Variants in B4GALNT3 observed in about 807,000 individuals in gnomAD.
The protein encoded by B4GALNT3 is beta-1,4-N-acetyl-galactosaminyltransferase 3.
In B4GALNT3, 86 loss-of-function variants were observed where a neutral mutation model predicts 120.2. That is an observed-to-expected ratio of 0.72 (90% confidence interval 0.60 to 0.86). The LOEUF is 0.86. B4GALNT3 is among the 40% of genes least tolerant of loss of function. The pLI is 0.00. For synonymous variants in B4GALNT3, 518 were observed against 510.4 expected, an observed-to-expected ratio of 1.01 and a Z score of -0.20; for missense variants, 1,167 against 1,298.9, an observed-to-expected ratio of 0.90 and a Z score of 1.56.
chr12:548,486 A>G lies in B4GALNT3; in HGVS notation c.853+189A>G, dbSNP rs1695286540. The stretch of plus-strand genomic sequence containing the variant: ...AGTCCTTAACTCCCCAGGGTCAGTG[A>G]CCCCTTTGAGAACCTGCTAGAAGCT... On this transcript the variant is annotated intron_variant, in intron 9 of 19. Transcript: ENST00000266383. The surrounding 1 kb of genome is among the most constrained non-coding windows in gnomAD (Gnocchi z 4.9). 6.6e-6 allele frequency among the ~76,000 whole-genome samples: 1 copy of G among 152,056 alleles called. No homozygotes were observed. The highest frequency in any genetic ancestry group is 1.5e-5 in the Non-Finnish European group (1 of 68,004).
At chr12:534,806 C>T (rs1946841936) in intron 1 of B4GALNT3, among the ~76,000 whole-genome samples, 2 of 152,178 alleles carry the variant, frequency 1.3e-5, no homozygotes, top group Non-Finnish European at 2.9e-5. Context: ...AAGAGTGTAC[C>T]GCCTGTCACG....
intron 1 of B4GALNT3, among the ~76,000 whole-genome samples, chr12:502,558 C>CAG (rs10649988): frequency 0.72 from 108,791 of 151,516 alleles, 39,828 homozygotes; most frequent in African/African-American, 0.86. Context: ...GAGAAACAGG[C>CAG]GGGTGAAAGA....
chr12:510,855 T>A (rs1363196661), intron 1 of B4GALNT3, among the ~76,000 whole-genome samples: 2 of 151,930 alleles, frequency 1.3e-5, no homozygotes, highest in African/African-American at 2.4e-5. Flanking sequence ...CTGGTGCTGG[T>A]ATATCCACAG....
chr12:460,575 G>A lies in B4GALNT3; in HGVS notation c.169+30G>A, dbSNP rs753325506. On this transcript the variant is annotated intron_variant, in intron 1 of 19. Transcript: ENST00000266383. This position sits in a 1 kb window ranked among gnomAD's most constrained non-coding sequence, Gnocchi z 8.0. ...GTAGCACCCAGGGGAGGCGAAGGGC[G>A]CGGGGGTGGGCGGCGGCGGCGGCTC... 3 of 1,353,422 alleles carry A rather than the reference G, an allele frequency of 2.2e-6. No homozygotes were observed. Among genetic ancestry groups the A allele is most frequent in the South Asian group, 1.8e-5 (1 of 55,284 alleles). 83.8% of individuals were successfully genotyped at this position (1,353,422 alleles called of 1,614,324 possible).
At position 561,369 on chromosome 12, in the gene B4GALNT3, A is replaced by C; in HGVS notation, c.2915A>C (p.Glu972Ala). 6.2e-7 allele frequency: 1 copy of C among 1,614,004 alleles called. No homozygotes were observed. Among genetic ancestry groups the C allele is most frequent in the South Asian group, 1.1e-5 (1 of 91,068 alleles). Reference sequence around the variant, plus strand: ...ATACTCCAAGCGGGCCTGGACGTGGAGCGTCTCTCCCTCAGGAATTTCTTC... The same window carrying C: ...ATACTCCAAGCGGGCCTGGACGTGGCGCGTCTCTCCCTCAGGAATTTCTTC... ...DRILQAGLDV[E>A]RLSLRNFFHH... is the part of the protein sequence containing the mutation. Residue 972 changes from glutamate (E) to alanine (A), a missense_variant, in exon 20 of 20, where the codon GAG (glutamate) becomes GCG (alanine). Physicochemically the swap from Glu to Ala is moderately radical, Grantham distance 107 (BLOSUM62 -1). Around this residue, in one of 3 missense-constraint regions of B4GALNT3, gnomAD observed 983 missense variants for 1,102.5 expected, o/e 0.89. Coordinates refer to ENST00000266383, the MANE Select transcript of B4GALNT3 (RefSeq NM_173593.4).
chr12:519,861 C>G (rs1251227125), intron 1 of B4GALNT3, among the ~76,000 whole-genome samples: 2 of 152,228 alleles, frequency 1.3e-5, no homozygotes, highest in Non-Finnish European at 2.9e-5. Context: ...CTCAACAGCG[C>G]TCGCCATAAC....
At chr12:520,568 T>C (rs7315449) in intron 1 of B4GALNT3, among the ~76,000 whole-genome samples, 48,431 of 134,902 alleles carry the variant, frequency 0.36, 10,699 homozygotes, top group East Asian at 0.51. Flanking sequence ...GTAGTTTAAT[T>C]GGCCATCATA....
intron 4 of B4GALNT3, 66 bp from the exon 5 acceptor site, chr12:544,816 A>AGG: frequency 2.6e-6 from 4 of 1,521,338 alleles, no homozygotes; most frequent in Non-Finnish European, 3.6e-6. Flanking sequence ...TCTTCCCGCC[A>AGG]ATCCTGGCGG....
At chr12:513,127 GCCTTCCA>G (rs1244000850) in intron 1 of B4GALNT3, among the ~76,000 whole-genome samples, 23 of 68,018 alleles carry the variant, frequency 3.4e-4, no homozygotes, top group African/African-American at 1.5e-3. Flanking sequence ...TCCACCTTCC[GCCTTCCA>G]CCTTCCACCT....
At position 553,423 on chromosome 12, in the gene B4GALNT3, A is replaced by AG. The variant is rs1297018779; in HGVS notation, c.1503dup (p.Arg502GlufsTer20). The AG allele has an allele frequency of 6.2e-7, 1 of 1,613,826 alleles. No homozygotes were observed. The highest frequency in any genetic ancestry group is 1.3e-5 in the African/African-American group (1 of 74,940). On this transcript the variant is annotated frameshift_variant, in exon 14 of 20. Coordinates refer to ENST00000266383, the MANE Select transcript of B4GALNT3 (RefSeq NM_173593.4). LOFTEE classifies it high-confidence loss of function. ...AGCGGAACTCCACAGCGTCCTTCCC[A>AG]GGGAGGACCAGCCACATTCCAGTGC...
At chr12:543,269 T>G in intron 3 of B4GALNT3, 1 of 1,182,678 alleles carries the variant, frequency 8.5e-7, no homozygotes, top group Middle Eastern at 2.2e-4. Context: ...ACCCGCACAG[T>G]GAGAGGAGCA....
Position 491,777 on chromosome 12 carries a change from C to A in B4GALNT3, c.169+31232C>A, listed in dbSNP as rs116098406. 7.4e-4 allele frequency among the ~76,000 whole-genome samples: 111 copies of A among 150,674 alleles called. 4 individuals are homozygous for A. The East Asian group carries it at 0.022, about 30-fold the overall frequency. On this transcript the variant is annotated intron_variant, in intron 1 of 19. Coordinates refer to ENST00000266383, the MANE Select transcript of B4GALNT3 (RefSeq NM_173593.4). ...TGAAATCAGGAACAAGGCAATAGGCCGGGTGCGGTGGCTTACGCCTGTAAT... is the reference window on the plus strand; with the variant it reads ...TGAAATCAGGAACAAGGCAATAGGCAGGGTGCGGTGGCTTACGCCTGTAAT...
chr12:483,325 A>G (rs563254215), intron 1 of B4GALNT3, among the ~76,000 whole-genome samples: 4 of 152,344 alleles, frequency 2.6e-5, no homozygotes, highest in East Asian at 3.9e-4. Flanking sequence ...TGGCCTGTGG[A>G]GTTAGGTAAG....
At chr12:546,155 A>G (rs969787379) in intron 6 of B4GALNT3, among the ~76,000 whole-genome samples, 2 of 121,248 alleles carry the variant, frequency 1.6e-5, no homozygotes, top group African/African-American at 6.4e-5. Context: ...AGGGAAGAGG[A>G]GGGGGGAATG....
In B4GALNT3 at chr12:496,805, T is replaced by G. The variant is rs548905477; in HGVS notation, c.169+36260T>G. Among the ~76,000 whole-genome samples, 73 of 152,332 alleles carry G rather than the reference T, an allele frequency of 4.8e-4. 1 individual carries two copies. The South Asian group carries it at 0.015, about 31-fold the overall frequency. ...TCTGCGTCTGTGGATTTACCCAGTC[T>G]TGTGTGTGGCTTCTTTCACTTAGCA... On this transcript the variant is annotated intron_variant, in intron 1 of 19. Transcript: ENST00000266383.
rs34798889 is a variant in B4GALNT3, at chr12:561,642, G to C, written c.*191G>C. On this transcript the variant is annotated 3_prime_UTR_variant, in exon 20 of 20. Coordinates refer to ENST00000266383, the MANE Select transcript of B4GALNT3 (RefSeq NM_173593.4). ...TCCGGGGCTCCTGTCTCTGCCTCCTGGGCCTTCAGAAGGGAGGACTTTGAG... is the reference window on the plus strand; with the variant it reads ...TCCGGGGCTCCTGTCTCTGCCTCCTCGGCCTTCAGAAGGGAGGACTTTGAG... 0.25 allele frequency: 142,076 copies of C among 575,612 alleles called. 19,587 individuals are homozygous for C. Among genetic ancestry groups the C allele is most frequent in the Non-Finnish European group, 0.3 (97,710 of 322,894 alleles). 35.7% of individuals were successfully genotyped at this position (575,612 alleles called of 1,614,324 possible).
intron 18 of B4GALNT3, 130 bp from the exon 19 acceptor site, chr12:559,163 GAC>G: frequency 2.4e-6 from 3 of 1,232,618 alleles, no homozygotes; most frequent in Middle Eastern, 2.3e-4. Context: ...GTTCAGCTAA[GAC>G]AGTTTTCAGC....
chr12:557,612 G>T lies in B4GALNT3; in HGVS notation c.2385G>T (p.Lys795Asn). 1.2e-6 allele frequency: 2 copies of T among 1,609,784 alleles called. No homozygotes were observed. The highest frequency in any genetic ancestry group is 1.1e-5 in the South Asian group (1 of 90,470). Reference protein sequence around the residue: ...RAVVHFVVPVKNQARWVQQFI... With the variant: ...RAVVHFVVPVNNQARWVQQFI... The stretch of plus-strand genomic sequence containing the variant: ...CTGCCTGACCCCCTGGGGTAGTGAA[G>T]AACCAGGCACGCTGGGTACAGCAAT... The change falls in exon 16 of 20, where the codon AAG becomes AAT. Residue 795 changes from lysine (K) to asparagine (N), a missense_variant. Around this residue, in one of 3 missense-constraint regions of B4GALNT3, gnomAD observed 983 missense variants for 1,102.5 expected, o/e 0.89. Coordinates refer to ENST00000266383, the MANE Select transcript of B4GALNT3 (RefSeq NM_173593.4).
chr12:543,344 C>G, intron 3 of B4GALNT3: 1 of 611,148 alleles, frequency 1.6e-6, no homozygotes, highest in Non-Finnish European at 2.6e-6. Context: ...TGGTCACGCT[C>G]CCGGAGCTGA....
Sources: allele counts gnomAD v4.1 joint callset (sites outside exome capture counted in the v4.1 genomes callset), GRCh38; gene constraint gnomAD v4.1.1; regional missense constraint gnomAD v4.1.1; non-coding constraint Gnocchi (gnomAD v3.1); transcripts MANE v1.5; gene names NCBI Gene and HGNC (gene_info 2026-07-23, HGNC 2026-07-21).